The following ADK variants were observed in gnomAD, a reference collection of about 807,000 sequenced individuals.
ADK encodes the protein N6,N6-dimethyladenosine kinase.
ADK carries 24 observed loss-of-function variants against 44.7 expected under a neutral mutation model. That is an observed-to-expected ratio of 0.54 (90% CI 0.39 to 0.76). The LOEUF is 0.76. ADK is among the 30% of genes least tolerant of loss of function. ADK has a pLI of 0.00. For synonymous variants in ADK, 128 were observed against 142.6 expected (o/e 0.90, Z 0.73); for missense variants, 321 against 425.1 (o/e 0.76, Z 2.15).
chr10:74,553,909 C>G (rs1263427244), intron 7 of ADK, among the ~76,000 whole-genome samples: 2 of 152,034 alleles, frequency 1.3e-5, no homozygotes, highest in African/African-American at 4.8e-5. Flanking sequence ...AACAGTAAAT[C>G]CTACATCTCT....
chr10:74,260,059 A>T (rs1229581578), intron 3 of ADK, among the ~76,000 whole-genome samples: 1 of 152,134 alleles, frequency 6.6e-6, no homozygotes, highest in Non-Finnish European at 1.5e-5. Flanking sequence ...CCATTTAAAA[A>T]AAAAAACCTT....
At chr10:74,235,590 C>T (rs954215697) in intron 3 of ADK, among the ~76,000 whole-genome samples, 20 of 152,200 alleles carry the variant, frequency 1.3e-4, no homozygotes, top group Non-Finnish European at 4.4e-5. Flanking sequence ...GGGCGTGAGC[C>T]ACTGCACCCT....
At chr10:74,230,046 CTT>C (rs5786138) in intron 3 of ADK, among the ~76,000 whole-genome samples, 99 of 116,144 alleles carry the variant, frequency 8.5e-4, no homozygotes, top group Non-Finnish European at 7.2e-4. Flanking sequence ...TTAAAAGAAT[CTT>C]TTTTTTTTTT....
At chr10:74,395,525 T>C (rs893535310) in intron 5 of ADK, among the ~76,000 whole-genome samples, 4 of 152,218 alleles carry the variant, frequency 2.6e-5, no homozygotes, top group African/African-American at 7.2e-5. Flanking sequence ...AAATATGGGA[T>C]TCAGGGATTT....
At chr10:74,152,430 A>G (rs955886019) in intron 1 of ADK, among the ~76,000 whole-genome samples, 5 of 152,206 alleles carry the variant, frequency 3.3e-5, no homozygotes, top group Non-Finnish European at 7.3e-5. Context: ...TTCCAACTAT[A>G]TGCAGAATAA....
chr10:74,235,223 G>A (rs182316283), intron 3 of ADK, among the ~76,000 whole-genome samples: 20 of 150,148 alleles, frequency 1.3e-4, no homozygotes, highest in Admixed American at 7.4e-4. Context: ...GAAGGGGAAA[G>A]CAAACTTCTA....
At chr10:74,274,163 C>T (rs1348204263) in intron 3 of ADK, among the ~76,000 whole-genome samples, 6 of 152,150 alleles carry the variant, frequency 3.9e-5, no homozygotes, top group African/African-American at 1.4e-4. Flanking sequence ...TAATAATCTA[C>T]TGTGTACCAG....
intron 6 of ADK, among the ~76,000 whole-genome samples, chr10:74,431,586 C>T (rs1375136978): frequency 2.6e-5 from 4 of 152,050 alleles, no homozygotes; most frequent in Non-Finnish European, 2.9e-5. Flanking sequence ...ACTAAAACTA[C>T]GAAAATTAGC....
chr10:74,675,610 G>GA (rs1304487147), intron 10 of ADK, among the ~76,000 whole-genome samples: 1 of 152,138 alleles, frequency 6.6e-6, no homozygotes, highest in East Asian at 1.9e-4. Context: ...CCTAGGTCAG[G>GA]AAAAAATTTC....
At chr10:74,602,706 G>A (rs1371741982) in intron 9 of ADK, among the ~76,000 whole-genome samples, 1 of 152,168 alleles carries the variant, frequency 6.6e-6, no homozygotes, top group Non-Finnish European at 1.5e-5. Context: ...TGCAATGCAT[G>A]ATAAATACAA....
intron 9 of ADK, among the ~76,000 whole-genome samples, chr10:74,636,779 A>G (rs1231532468): frequency 1.3e-5 from 2 of 152,244 alleles, no homozygotes; most frequent in African/African-American, 4.8e-5. Flanking sequence ...TGCTTTAGAT[A>G]AGATTTAACC....
At chr10:74,697,039 G>A (rs1856234480) in intron 10 of ADK, among the ~76,000 whole-genome samples, 3 of 152,102 alleles carry the variant, frequency 2.0e-5, no homozygotes, top group Admixed American at 1.3e-4. Flanking sequence ...TAAATTTAGT[G>A]TAAAATGAGA....
In ADK at chr10:74,708,849, G is replaced by T; in HGVS notation, c.*404G>T. On this transcript the variant is annotated 3_prime_UTR_variant, in exon 11 of 11. Coordinates refer to ENST00000539909, the MANE Select transcript of ADK (RefSeq NM_006721.4). Reference sequence around the variant, plus strand: ...ATTAATCTTAACATAGTAATCTTTAGCTTTTTATACAAATATATTTAATTT... The same window carrying T: ...ATTAATCTTAACATAGTAATCTTTATCTTTTTATACAAATATATTTAATTT... 1.5e-5 allele frequency: 3 copies of T among 206,464 alleles called. No individual in the cohort carries two copies. The highest frequency in any genetic ancestry group is 7.5e-5 in the South Asian group (1 of 13,412). 12.8% of individuals were successfully genotyped at this position (206,464 alleles called of 1,614,324 possible).
intron 6 of ADK, among the ~76,000 whole-genome samples, chr10:74,428,042 G>A (rs1242967416): frequency 2.0e-5 from 3 of 152,068 alleles, no homozygotes; most frequent in Non-Finnish European, 4.4e-5. Flanking sequence ...GGAGCTTGAT[G>A]GTTTGTGACA....
chr10:74,599,577 C>T (rs969646388), intron 8 of ADK, among the ~76,000 whole-genome samples: 1 of 152,120 alleles, frequency 6.6e-6, no homozygotes, highest in African/African-American at 2.4e-5. Context: ...GTTTTAAAAG[C>T]CCACTGAATA....
intron 9 of ADK, among the ~76,000 whole-genome samples, chr10:74,669,734 A>G (rs1855101974): frequency 6.6e-6 from 1 of 152,224 alleles, no homozygotes; most frequent in Non-Finnish European, 1.5e-5. Context: ...AACACCCAAT[A>G]TTCATTATTT....
chr10:74,487,731 A>C (rs889930787), intron 6 of ADK, among the ~76,000 whole-genome samples: 3 of 152,032 alleles, frequency 2.0e-5, no homozygotes, highest in African/African-American at 7.2e-5. Context: ...GCTTTTGGGG[A>C]AGACATCACA....
chr10:74,537,648 A>G (rs1477479558), intron 7 of ADK, among the ~76,000 whole-genome samples: 1 of 152,162 alleles, frequency 6.6e-6, no homozygotes, highest in Non-Finnish European at 1.5e-5. Context: ...ATGCCTTTCA[A>G]GGCTCCATAA....
intron 3 of ADK, among the ~76,000 whole-genome samples, chr10:74,301,504 ACT>A (rs1840030599): frequency 1.4e-5 from 2 of 138,768 alleles, no homozygotes; most frequent in Admixed American, 7.5e-5. Context: ...ACAGAATGAG[ACT>A]CTGTCTCAAA....
Sources: gnomAD v4.1 joint callset for allele counts (sites outside exome capture counted in the v4.1 genomes callset) on GRCh38, gnomAD v4.1.1 for gene constraint, MANE v1.5 for transcripts, NCBI Gene and HGNC (gene_info 2026-07-23, HGNC 2026-07-21) for gene names.